Variants in RGSL1 observed in about 807,000 individuals in gnomAD.
RGSL1 encodes the protein regulator of G protein signaling protein-like.
A neutral mutation model predicts 124.7 loss-of-function variants in RGSL1; 97 were observed. That is an observed-to-expected ratio of 0.78 (90% CI 0.66 to 0.92). The LOEUF is 0.92. Ranked by LOEUF, RGSL1 falls within the 40% of genes least tolerant of loss-of-function variation. The pLI is 0.00. For synonymous variants in RGSL1, 424 were observed against 438.1 expected (o/e 0.97, Z 0.40); for missense variants, 1,233 against 1,288.4 (o/e 0.96, Z 0.66).
At chr1:182,525,472 T>A (rs184818788) in intron 10 of RGSL1, among the ~76,000 whole-genome samples, 1 of 152,200 alleles carries the variant, frequency 6.6e-6, no homozygotes, top group Admixed American at 6.5e-5. Flanking sequence ...TGAAAAAATC[T>A]GGAGTTGAAA....
intron 5 of RGSL1, among the ~76,000 whole-genome samples, chr1:182,472,908 C>A (rs1653968846): frequency 6.6e-6 from 1 of 152,180 alleles, no homozygotes; most frequent in African/African-American, 2.4e-5. Flanking sequence ...TGCAGCCCAC[C>A]AGCCAAATGC....
chr1:182,529,510 G>T (rs1444177534), intron 11 of RGSL1, among the ~76,000 whole-genome samples: 1 of 152,116 alleles, frequency 6.6e-6, no homozygotes, highest in African/African-American at 2.4e-5. Flanking sequence ...GGTAAATATG[G>T]TAAATAAAAT....
At chr1:182,470,389 A>G (rs1171653650) in intron 4 of RGSL1, among the ~76,000 whole-genome samples, 2 of 151,846 alleles carry the variant, frequency 1.3e-5, no homozygotes, top group Non-Finnish European at 2.9e-5. Flanking sequence ...CCCCTCACTC[A>G]TTCCATTCCA....
chr1:182,451,257 A>T (rs139277767), intron 1 of RGSL1, among the ~76,000 whole-genome samples: 10 of 152,270 alleles, frequency 6.6e-5, no homozygotes, highest in African/African-American at 2.4e-4. Flanking sequence ...AAGAAAGGTG[A>T]AAAAACAAAG....
intron 9 of RGSL1, among the ~76,000 whole-genome samples, chr1:182,515,570 A>G (rs868210486): frequency 0.021 from 1,522 of 71,652 alleles, 41 homozygotes; most frequent in African/African-American, 0.069. Context: ...GGCGGGGTGG[A>G]GGGCGTGGGG....
At chr1:182,512,962 T>A (rs886768449) in intron 9 of RGSL1, among the ~76,000 whole-genome samples, 1 of 152,144 alleles carries the variant, frequency 6.6e-6, no homozygotes, top group Non-Finnish European at 1.5e-5. Flanking sequence ...TGTTTGTCTG[T>A]CCATGGAGCC....
chr1:182,502,821 T>C (rs1656496457), intron 9 of RGSL1, among the ~76,000 whole-genome samples: 1 of 152,208 alleles, frequency 6.6e-6, no homozygotes, highest in South Asian at 2.1e-4. Flanking sequence ...AGGTTTCTTT[T>C]TGAGCAGTGT....
At chr1:182,533,995 T>C (rs1012586447) in intron 14 of RGSL1, among the ~76,000 whole-genome samples, 2 of 152,206 alleles carry the variant, frequency 1.3e-5, no homozygotes, top group African/African-American at 4.8e-5. Flanking sequence ...CCAGTTGGAC[T>C]AGAGATTAAT....
At chr1:182,545,284 A>G (rs1321459192) in intron 15 of RGSL1, among the ~76,000 whole-genome samples, 1 of 152,180 alleles carries the variant, frequency 6.6e-6, no homozygotes, top group Non-Finnish European at 1.5e-5. Flanking sequence ...AAAAACTAAA[A>G]TGAATCTCTA....
At chr1:182,488,215 A>T (rs1188079862) in intron 6 of RGSL1, 70 bp from the exon 7 acceptor site, 2 of 1,424,866 alleles carry the variant, frequency 1.4e-6, no homozygotes, top group Non-Finnish European at 1.9e-6. Flanking sequence ...CTCCCAGGTG[A>T]ACATATGCAG....
intron 9 of RGSL1, among the ~76,000 whole-genome samples, chr1:182,517,217 T>C (rs960891186): frequency 1.3e-5 from 2 of 152,042 alleles, no homozygotes; most frequent in African/African-American, 4.8e-5. Flanking sequence ...ATGATTTCTA[T>C]TGAGAAGTCT....
intron 4 of RGSL1, among the ~76,000 whole-genome samples, chr1:182,466,149 A>T (rs1241695123): frequency 6.6e-6 from 1 of 152,148 alleles, no homozygotes; most frequent in Non-Finnish European, 1.5e-5. Flanking sequence ...ACGAACTAGG[A>T]TTAAGAAGAA....
intron 9 of RGSL1, among the ~76,000 whole-genome samples, chr1:182,493,990 T>C (rs1253829496): frequency 6.6e-6 from 1 of 152,130 alleles, no homozygotes; most frequent in Non-Finnish European, 1.5e-5. Context: ...CTGAAGACCA[T>C]TGCTAATATT....
intron 18 of RGSL1, 70 bp from the exon 19 acceptor site, chr1:182,553,385 T>C (rs1660681130): frequency 8.7e-7 from 1 of 1,155,688 alleles, no homozygotes; most frequent in African/African-American, 1.5e-5. Flanking sequence ...CTTTATTGCT[T>C]ACTTAGAGAG....
At chr1:182,467,997 G>A (rs1370208630) in intron 4 of RGSL1, among the ~76,000 whole-genome samples, 1 of 152,206 alleles carries the variant, frequency 6.6e-6, no homozygotes, top group Non-Finnish European at 1.5e-5. Context: ...CATTTATGTA[G>A]CCAAAGACAA....
chr1:182,550,031 G>C (rs530209023), intron 17 of RGSL1: 1 of 152,304 alleles, frequency 6.6e-6, no homozygotes, highest in South Asian at 2.1e-4. Context: ...TTGGATTCCT[G>C]TTCCTCCTGC....
At chr1:182,479,524 AAGTATATC>A in intron 6 of RGSL1, among the ~76,000 whole-genome samples, 1 of 152,192 alleles carries the variant, frequency 6.6e-6, no homozygotes, top group Non-Finnish European at 1.5e-5. Flanking sequence ...AAAGAAAATA[AAGTATATC>A]ACTACAAAAA....
intron 2 of RGSL1, among the ~76,000 whole-genome samples, chr1:182,455,434 T>A (rs1263736719): frequency 6.6e-6 from 1 of 151,790 alleles, no homozygotes; most frequent in African/African-American, 2.4e-5. Context: ...ATACAAAAAT[T>A]AGCCGGGCGT....
intron 6 of RGSL1, among the ~76,000 whole-genome samples, chr1:182,478,233 C>T (rs898716779): frequency 1.3e-5 from 2 of 152,024 alleles, no homozygotes; most frequent in Non-Finnish European, 2.9e-5. Flanking sequence ...CAGGGGTGAG[C>T]CACTATGCCC....
Sources: allele counts gnomAD v4.1 joint callset (sites outside exome capture counted in the v4.1 genomes callset), GRCh38; gene constraint gnomAD v4.1.1; transcripts MANE v1.5; gene names NCBI Gene and HGNC (gene_info 2026-07-23, HGNC 2026-07-21).